The following DCHS1 variants were observed in gnomAD, a reference collection of about 807,000 sequenced individuals.
DCHS1 encodes protocadherin-16.
In DCHS1, 78 loss-of-function variants were observed where a neutral mutation model predicts 213.9. The ratio of observed to expected loss-of-function variants is 0.36; its 90% CI spans 0.30 to 0.44. The LOEUF (loss-of-function observed/expected upper bound fraction) is 0.44, where lower values mean the gene tolerates loss of function less well. Ranked by LOEUF, DCHS1 falls within the 20% of genes least tolerant of loss-of-function variation. DCHS1 has a pLI of 1.00. For missense variants in DCHS1, 3,946 were observed against 4,395.9 expected, an observed-to-expected ratio of 0.90 and a Z score of 2.89; for synonymous variants, 1,828 against 1,873.7, an observed-to-expected ratio of 0.98 and a Z score of 0.63.
Position 6,622,599 on chromosome 11 carries a change from T to C in DCHS1, c.9077A>G (p.Asp3026Gly). 1 of 1,580,572 alleles carries C rather than the reference T, an allele frequency of 6.3e-7. No individual in the cohort carries two copies. Among genetic ancestry groups the C allele is most frequent in the South Asian group, 1.2e-5 (1 of 86,196 alleles). Reference sequence around the variant, plus strand: ...TCCTCGGCCACTTGAATGTGAAGGGTCCAAGGAGCCACCACGGGGGTAGGG... The same window carrying C: ...TCCTCGGCCACTTGAATGTGAAGGGCCCAAGGAGCCACCACGGGGGTAGGG... ...GGPYPRGGSLDPSHSSGRGSA... is the reference protein window; with the variant it reads ...GGPYPRGGSLGPSHSSGRGSA... The change falls in exon 21 of 21, where the codon GAC becomes GGC. Residue 3026 changes from aspartate to glycine, a missense_variant. Physicochemically the swap from Asp to Gly is moderately conservative, Grantham distance 94. Transcript: ENST00000299441. The surrounding 1 kb of genome is among the most constrained non-coding windows in gnomAD (Gnocchi z 5.4).
intron 2 of DCHS1, among the ~76,000 whole-genome samples, chr11:6,635,756 C>G (rs886213621): frequency 1.3e-5 from 2 of 152,212 alleles, no homozygotes; most frequent in African/African-American, 4.8e-5. Context: ...TCTCCAGAAG[C>G]TGTTAACGAC....
At position 6,628,760 on chromosome 11, in the gene DCHS1, C is replaced by T. The variant is rs769409641; in HGVS notation, c.5232G>A (p.Glu1744=). The change falls in exon 13 of 21, where the codon GAG becomes GAA. Residue 1744 remains glutamate, a synonymous_variant. Transcript: ENST00000299441. The surrounding 1 kb of genome is among the most constrained non-coding windows in gnomAD (Gnocchi z 4.3). ...TCCCAAAGGTTGGTGCATGGTCATT[C>T]TCATCCTCCACAGCCACTCGAACAG... ...HVTVRVAVED[E]NDHAPTFGSA... The T allele has an allele frequency of 1.2e-6, 2 of 1,614,014 alleles. No individual in the cohort carries two copies. The highest frequency in any genetic ancestry group is 1.7e-6 in the Non-Finnish European group (2 of 1,179,880).
In DCHS1 at chr11:6,626,843, G is replaced by C; in HGVS notation, c.6196C>G (p.Pro2066Ala). Residue 2066 changes from proline to alanine, a missense_variant, in exon 14 of 21, where the codon CCC (proline) becomes GCC (alanine). This residue lies in a region of DCHS1 where 3,384 missense variants were observed against 3,780.1 expected (regional missense o/e 0.90). Transcript: ENST00000299441. The surrounding 1 kb of genome is among the most constrained non-coding windows in gnomAD (Gnocchi z 5.2). Reference protein sequence around the residue: ...VGLQGEAERGPRFPRASSEAT... With the variant: ...VGLQGEAERGARFPRASSEAT... ...TCACTGCTAGCCCGGGGAAAGCGGGGTCCACGCTCAGCTTCCCCCTGCAGT... is the reference window on the plus strand; with the variant it reads ...TCACTGCTAGCCCGGGGAAAGCGGGCTCCACGCTCAGCTTCCCCCTGCAGT... 1 of 1,613,290 alleles carries C rather than the reference G, an allele frequency of 6.2e-7. No individual in the cohort carries two copies. The highest frequency in any genetic ancestry group is 8.5e-7 in the Non-Finnish European group (1 of 1,179,870).
At chr11:6,647,944 T>G (rs937850) in intron 1 of DCHS1, among the ~76,000 whole-genome samples, 37,022 of 151,748 alleles carry the variant, frequency 0.24, 5,582 homozygotes, top group Middle Eastern at 0.41. Context: ...TGTGAGGAGG[T>G]GAAGGTAAGA....
At chr11:6,650,259 A>G (rs1049397392) in intron 1 of DCHS1, among the ~76,000 whole-genome samples, 1 of 152,240 alleles carries the variant, frequency 6.6e-6, no homozygotes, top group Non-Finnish European at 1.5e-5. Context: ...CTAAGTGAGC[A>G]GAGAAGGGCT....
rs764105625 is a variant in DCHS1 at position 6,621,648 on chromosome 11, G to A, written c.*131C>T. On this transcript the variant is annotated 3_prime_UTR_variant, in exon 21 of 21. Transcript: ENST00000299441. ...CTGAGGGGGCTGGGGAGTTCAGGGT[G>A]GAGAGCTGGGGCCTGGTGGTGGCCT... is the stretch of plus-strand genomic sequence containing the variant. 8.5e-5 allele frequency: 89 copies of A among 1,049,208 alleles called. No individual in the cohort carries two copies. The highest frequency in any genetic ancestry group is 6.0e-5 in the Admixed American group (3 of 50,322). 65.0% of individuals were successfully genotyped at this position (1,049,208 alleles called of 1,614,324 possible).
chr11:6,639,852 G>T lies in DCHS1; in HGVS notation c.1762C>A (p.Pro588Thr), dbSNP rs771403719. Residue 588 changes from proline (P) to threonine (T), a missense_variant, in exon 2 of 21, where the codon CCT (proline) becomes ACT (threonine). Around this residue, in one of 3 missense-constraint regions of DCHS1, gnomAD observed 3,384 missense variants for 3,780.1 expected, o/e 0.90. Transcript: ENST00000299441. ...FQRTFYNASLPEGTQPGTCFL... is the reference protein window; with the variant it reads ...FQRTFYNASLTEGTQPGTCFL... ...CAAGTTCCAGGCTGGGTGCCCTCAG[G>T]CAGTGAGGCATTGTAGAAAGTCCTC... The T allele has an allele frequency of 1.7e-5, 28 of 1,609,224 alleles. No homozygotes were observed. The highest frequency in any genetic ancestry group is 2.3e-5 in the Non-Finnish European group (27 of 1,176,646).
In DCHS1 at chr11:6,621,952, C is replaced by A. The variant is rs1308108435; in HGVS notation, c.9724G>T (p.Glu3242Ter). 6.2e-7 allele frequency: 1 copy of A among 1,613,162 alleles called. No homozygotes were observed. Among genetic ancestry groups the A allele is most frequent in the African/African-American group, 1.3e-5 (1 of 74,796 alleles). ...ATGGCAGCTGAGGACAGGGAGCCTT[C>A]ATGGCTGATGGGGGAGCGGTGAGAA... ...PASHRSPISHEGSLSSAAMSP... is the reference protein window; with the variant it reads ...PASHRSPISH Residue 3242 changes from glutamate (E) to a stop codon, truncating the protein, a stop_gained, in exon 21 of 21, where the codon GAA becomes TAA. Coordinates refer to ENST00000299441, the MANE Select transcript of DCHS1 (RefSeq NM_003737.4). LOFTEE classifies it high-confidence loss of function.
chr11:6,631,426 C>A lies in DCHS1; in HGVS notation c.3676-19G>T, dbSNP rs1855906137. Reference sequence around the variant, plus strand: ...CTGGTACCTGTGGGAACACAACTCACCTAGTGAGTCTCTTTCCTGTTCTTC... The same window carrying A: ...CTGGTACCTGTGGGAACACAACTCAACTAGTGAGTCTCTTTCCTGTTCTTC... On this transcript the variant is annotated intron_variant, in intron 7 of 20. Coordinates refer to ENST00000299441, the MANE Select transcript of DCHS1 (RefSeq NM_003737.4). The A allele has an allele frequency of 6.2e-7, 1 of 1,613,544 alleles. No individual in the cohort carries two copies. The highest frequency in any genetic ancestry group is 8.5e-7 in the Non-Finnish European group (1 of 1,179,630).
intron 1 of DCHS1, among the ~76,000 whole-genome samples, chr11:6,651,681 G>A (rs1202630075): frequency 1.3e-5 from 2 of 152,176 alleles, no homozygotes; most frequent in African/African-American, 2.4e-5. Flanking sequence ...CAGAGGTGAT[G>A]GAGAAAAGGG....
intron 1 of DCHS1, among the ~76,000 whole-genome samples, chr11:6,652,352 A>C (rs1030599350): frequency 6.6e-6 from 1 of 152,196 alleles, no homozygotes; most frequent in Non-Finnish European, 1.5e-5. Flanking sequence ...GAAAGCAGTT[A>C]CATTTGAGGG....
Position 6,630,883 on chromosome 11 carries a change from G to A in DCHS1, c.3931-20C>T. The A allele has an allele frequency of 6.6e-7, 1 of 1,506,332 alleles. No individual in the cohort carries two copies. The allele number at this position is 1,506,332 out of a possible 1,614,324, so 93.3% of individuals were successfully genotyped here. A position where few individuals can be genotyped will look rare whatever the true frequency, so the allele number is the denominator to read the frequency against. ...AAGCACCTGTTGTGGACCGGGGAGG[G>A]AGAACAGAATTGTGAGGGCCCGTGT... On this transcript the variant is annotated intron_variant, in intron 9 of 20. Transcript: ENST00000299441.
rs1405731459 is a variant in DCHS1 at position 6,655,398 on chromosome 11, G to C, written c.-121+165C>G. On this transcript the variant is annotated intron_variant, in intron 1 of 20. Transcript: ENST00000299441. ...AAAGACCCCCAGGCCCTGCCCCCAC[G>C]CTCACGTTCACGCCCGCCCGGGTCC... 2.0e-5 allele frequency among the ~76,000 whole-genome samples: 3 copies of C among 148,928 alleles called. No individual in the cohort carries two copies. In the East Asian group the frequency reaches 6.1e-4, roughly 30 times the overall value.
chr11:6,626,099 G>T lies in DCHS1; in HGVS notation c.6577-25C>A, dbSNP rs745443104. The T allele has an allele frequency of 6.2e-7, 1 of 1,602,120 alleles. No individual in the cohort carries two copies. The highest frequency in any genetic ancestry group is 8.5e-7 in the Non-Finnish European group (1 of 1,174,316). ...CCTGGTGAGGGTAGGAGGCTGCTGG[G>T]ACTGGTCTGGCCACAGACAAGTCTG... On this transcript the variant is annotated intron_variant, in intron 16 of 20. Coordinates refer to ENST00000299441, the MANE Select transcript of DCHS1 (RefSeq NM_003737.4). This position sits in a 1 kb window ranked among gnomAD's most constrained non-coding sequence, Gnocchi z 5.2.
chr11:6,639,109 CAA>C (rs36017764), intron 2 of DCHS1, among the ~76,000 whole-genome samples: 17,157 of 141,692 alleles, frequency 0.12, 1,277 homozygotes, highest in East Asian at 0.26. Context: ...GACTCCGCCT[CAA>C]AAAAAAAAAA....
chr11:6,649,487 G>C (rs1589964141), intron 1 of DCHS1, among the ~76,000 whole-genome samples: 2 of 151,832 alleles, frequency 1.3e-5, no homozygotes, highest in Non-Finnish European at 2.9e-5. Flanking sequence ...ATGACTGGAG[G>C]CCTCCAGGAG....
Position 6,625,533 on chromosome 11 carries a change from G to A in DCHS1, c.6863-52C>T. 1 of 1,611,004 alleles carries A rather than the reference G, an allele frequency of 6.2e-7. No individual in the cohort carries two copies. Among genetic ancestry groups the A allele is most frequent in the Non-Finnish European group, 8.5e-7 (1 of 1,179,082 alleles). On this transcript the variant is annotated intron_variant, in intron 18 of 20. Transcript: ENST00000299441. This position sits in a 1 kb window ranked among gnomAD's most constrained non-coding sequence, Gnocchi z 5.3. ...GGCAATGGACACAGCCCCACCTTGA[G>A]CTGCAGGGTGGAGAAAAATGTCTCT...
Position 6,632,387 on chromosome 11 carries a change from C to T in DCHS1, c.3125G>A (p.Ser1042Asn), listed in dbSNP as rs377186551. 1.9e-6 allele frequency: 3 copies of T among 1,613,752 alleles called. No homozygotes were observed. The highest frequency in any genetic ancestry group is 1.7e-6 in the Non-Finnish European group (2 of 1,179,792). Reference protein sequence around the residue: ...ITYHLAAEGASSPFGLEPQSG... With the variant: ...ITYHLAAEGANSPFGLEPQSG... ...CTGTGGCTCCAGGCCAAAGGGGCTA[C>T]TTGCTCCCTCTGCTGCAAGGTGATA... The change falls in exon 6 of 21, where the codon AGT (serine) becomes AAT (asparagine). Residue 1042 changes from serine to asparagine, a missense_variant. Transcript: ENST00000299441. The surrounding 1 kb of genome is among the most constrained non-coding windows in gnomAD (Gnocchi z 5.9).
Position 6,623,343 on chromosome 11 carries a change from G to A in DCHS1, c.8333C>T (p.Thr2778Ile), listed in dbSNP as rs1373297782. The A allele has an allele frequency of 6.3e-7, 1 of 1,596,294 alleles. No homozygotes were observed. Among genetic ancestry groups the A allele is most frequent in the East Asian group, 2.3e-5 (1 of 43,964 alleles). Residue 2778 changes from threonine (T) to isoleucine (I), a missense_variant, in exon 21 of 21, where the codon ACA becomes ATA. Physicochemically the swap from Thr to Ile is moderately conservative, Grantham distance 89. Around this residue, in one of 3 missense-constraint regions of DCHS1, gnomAD observed 3,384 missense variants for 3,780.1 expected, o/e 0.90. Coordinates refer to ENST00000299441, the MANE Select transcript of DCHS1 (RefSeq NM_003737.4). ...ACCCACCAGCAGCCGGAAGCTTTCT[G>A]TGTGCTCATAGTCAAAGGGCACTCG... The part of the protein sequence containing the change: ...RARVPFDYEH[T>I]ESFRLLVGAA...
Sources: gnomAD v4.1 joint callset for allele counts (sites outside exome capture counted in the v4.1 genomes callset) on GRCh38, gnomAD v4.1.1 for gene constraint, gnomAD v4.1.1 regional missense constraint, Gnocchi (gnomAD v3.1) non-coding constraint, MANE v1.5 for transcripts, NCBI Gene and HGNC (gene_info 2026-07-23, HGNC 2026-07-21) for gene names.